The following PTPN4 variants were observed in gnomAD, a reference collection of about 807,000 sequenced individuals.
The protein encoded by PTPN4 is tyrosine-protein phosphatase non-receptor type 4.
PTPN4 carries 49 observed loss-of-function variants against 135.5 expected under a neutral mutation model. The ratio of observed to expected loss-of-function variants is 0.36; its 90% confidence interval spans 0.29 to 0.46. The LOEUF (loss-of-function observed/expected upper bound fraction) is 0.46, where lower values mean the gene tolerates loss of function less well. Among genes scored for constraint, PTPN4 ranks in the 20% least tolerant of loss-of-function variants. PTPN4 has a pLI of 1.00. For missense variants in PTPN4, 860 were observed against 1,101.0 expected (o/e 0.78, Z 3.10); for synonymous variants, 333 against 369.9 (o/e 0.90, Z 1.14).
chr2:119,913,038 G>A (rs999616941), intron 10 of PTPN4, among the ~76,000 whole-genome samples: 5 of 151,920 alleles, frequency 3.3e-5, no homozygotes, highest in Non-Finnish European at 5.9e-5. Context: ...AGGTTCATCC[G>A]CATTGTAGTA....
Position 119,900,833 on chromosome 2 carries a change from G to A in PTPN4, c.764+27G>A, listed in dbSNP as rs746838543. 3.9e-6 allele frequency: 5 copies of A among 1,285,484 alleles called. No homozygotes were observed. The African/African-American group carries it at 7.6e-5, about 19-fold the overall frequency. 79.6% of individuals were successfully genotyped at this position (1,285,484 alleles called of 1,614,324 possible). On this transcript the variant is annotated intron_variant, in intron 10 of 26. Coordinates refer to ENST00000263708, the MANE Select transcript of PTPN4 (RefSeq NM_002830.4). ...TAAGAACATCTATTGATACTTTTAT[G>A]TTTACCACTGTATTACTAAATATAA...
chr2:119,872,140 A>C (rs968217984), intron 3 of PTPN4, among the ~76,000 whole-genome samples: 3 of 152,038 alleles, frequency 2.0e-5, no homozygotes, highest in Non-Finnish European at 2.9e-5. Flanking sequence ...TATTAATTTT[A>C]TTTTATTTAG....
At chr2:119,854,192 C>T (rs546770120) in intron 2 of PTPN4, among the ~76,000 whole-genome samples, 10 of 152,046 alleles carry the variant, frequency 6.6e-5, no homozygotes, top group Admixed American at 2.6e-4. Flanking sequence ...CCTGCACACG[C>T]GGAGTCATCT....
chr2:119,946,308 A>C (rs917598572), intron 16 of PTPN4, 33 bp from the exon 17 acceptor site: 2 of 1,495,700 alleles, frequency 1.3e-6, no homozygotes, highest in African/African-American at 2.8e-5. Context: ...TAAGTGAAGA[A>C]AATTACAAGT....
chr2:119,791,336 G>C (rs1408946610), intron 1 of PTPN4: 1 of 152,030 alleles, frequency 6.6e-6, no homozygotes, highest in African/African-American at 2.4e-5. Context: ...CACCATGTTG[G>C]TTGGCCAGGA....
intron 2 of PTPN4, among the ~76,000 whole-genome samples, chr2:119,813,151 A>G (rs1164823759): frequency 6.6e-6 from 1 of 152,154 alleles, no homozygotes; most frequent in Non-Finnish European, 1.5e-5. Flanking sequence ...TTATTCACTC[A>G]CATGGCTGTT....
At chr2:119,926,157 G>A (rs77054471) in intron 12 of PTPN4, among the ~76,000 whole-genome samples, 58 of 152,282 alleles carry the variant, frequency 3.8e-4, no homozygotes, top group African/African-American at 1.4e-3. Flanking sequence ...GTTAAGTAAT[G>A]AGAATGTCTC....
chr2:119,836,384 T>C (rs561389494), intron 2 of PTPN4, among the ~76,000 whole-genome samples: 8 of 152,348 alleles, frequency 5.3e-5, no homozygotes, highest in African/African-American at 1.7e-4. Flanking sequence ...TTGATGAAAC[T>C]GGCCTGTGTA....
At chr2:119,877,275 T>C in intron 3 of PTPN4, 48 bp from the exon 4 acceptor site, 1 of 1,573,508 alleles carries the variant, frequency 6.4e-7, no homozygotes, top group Non-Finnish European at 8.6e-7. Context: ...ATCAATATAG[T>C]AGTTCCTCAA....
intron 2 of PTPN4, among the ~76,000 whole-genome samples, chr2:119,851,070 A>G (rs1052385072): frequency 9.2e-5 from 14 of 152,216 alleles, no homozygotes; most frequent in Admixed American, 6.5e-5. Flanking sequence ...GGGAAGTTCC[A>G]TCCTCTACTG....
intron 10 of PTPN4, among the ~76,000 whole-genome samples, chr2:119,913,963 A>G (rs1448273325): frequency 6.6e-6 from 1 of 152,194 alleles, no homozygotes; most frequent in Non-Finnish European, 1.5e-5. Flanking sequence ...TGTAGCAAAT[A>G]CAAGTCACAC....
At chr2:119,946,606 G>A (rs1402409367) in intron 18 of PTPN4, 32 bp downstream of exon 18, 2 of 1,453,880 alleles carry the variant, frequency 1.4e-6, no homozygotes, top group Non-Finnish European at 1.9e-6. Flanking sequence ...AATAAATCCT[G>A]TTTTCAAGAA....
intron 1 of PTPN4, among the ~76,000 whole-genome samples, chr2:119,763,951 T>C (rs777265967): frequency 1.8e-4 from 28 of 152,196 alleles, no homozygotes; most frequent in Non-Finnish European, 3.4e-4. Context: ...GTTCTGGGCT[T>C]CAGTCTAATC....
intron 1 of PTPN4, among the ~76,000 whole-genome samples, chr2:119,789,586 G>A (rs888888189): frequency 3.9e-5 from 6 of 152,006 alleles, no homozygotes. Context: ...CTATTTTGAT[G>A]TGTTGTTATT....
chr2:119,809,102 A>G (rs964565827), intron 1 of PTPN4, among the ~76,000 whole-genome samples: 1 of 151,302 alleles, frequency 6.6e-6, no homozygotes, highest in African/African-American at 2.4e-5. Flanking sequence ...TTTCTCCTCC[A>G]TGAATGTTAA....
intron 3 of PTPN4, among the ~76,000 whole-genome samples, chr2:119,877,113 C>T (rs1299973089): frequency 1.3e-5 from 2 of 152,048 alleles, no homozygotes; most frequent in Non-Finnish European, 2.9e-5. Context: ...AAATCAAAAT[C>T]TTAATATTAA....
At chr2:119,874,920 CGT>C (rs1188074000) in intron 3 of PTPN4, among the ~76,000 whole-genome samples, 1 of 152,098 alleles carries the variant, frequency 6.6e-6, no homozygotes, top group Non-Finnish European at 1.5e-5. Context: ...GTTCTTCTCA[CGT>C]GTGTGTCATC....
At chr2:119,905,763 T>C (rs1277657512) in intron 10 of PTPN4, among the ~76,000 whole-genome samples, 1 of 152,142 alleles carries the variant, frequency 6.6e-6, no homozygotes, top group African/African-American at 2.4e-5. Flanking sequence ...ATATCCAGTA[T>C]TTTCTCACAC....
chr2:119,885,787 C>A lies in PTPN4; in HGVS notation c.588-8C>A. ...GATCTCATTTTTAACTTAATGATGTCTTTATAGAGGCTTATCTCCTGCAGA... is the reference window on the plus strand; with the variant it reads ...GATCTCATTTTTAACTTAATGATGTATTTATAGAGGCTTATCTCCTGCAGA... On this transcript the variant is annotated splice_region_variant and splice_polypyrimidine_tract_variant and intron_variant, in intron 8 of 26. Transcript: ENST00000263708. The A allele has an allele frequency of 6.4e-7, 1 of 1,551,656 alleles. No individual in the cohort carries two copies. Among genetic ancestry groups the A allele is most frequent in the Non-Finnish European group, 8.7e-7 (1 of 1,144,456 alleles).
Sources: allele counts gnomAD v4.1 joint callset (sites outside exome capture counted in the v4.1 genomes callset), GRCh38; gene constraint gnomAD v4.1.1; transcripts MANE v1.5; gene names NCBI Gene and HGNC (gene_info 2026-07-23, HGNC 2026-07-21).